Variants in CSMD3 observed in about 807,000 individuals in gnomAD.
The protein encoded by CSMD3 is CUB and Sushi multiple domains 3.
In CSMD3, 177 loss-of-function variants were observed where a neutral mutation model predicts 435.2. The ratio of observed to expected loss-of-function variants is 0.41; its 90% CI spans 0.36 to 0.46. The LOEUF (loss-of-function observed/expected upper bound fraction) is 0.46. Among genes scored for constraint, CSMD3 ranks in the 20% least tolerant of loss-of-function variants. The pLI is 0.34. For synonymous variants in CSMD3, 1,656 were observed against 1,520.5 expected (o/e 1.09, Z -2.07); for missense variants, 4,265 against 4,504.6 (o/e 0.95, Z 1.52).
At chr8:113,192,099 CTTG>C (rs1174079546) in intron 3 of CSMD3, among the ~76,000 whole-genome samples, 6 of 151,146 alleles carry the variant, frequency 4.0e-5, no homozygotes, top group African/African-American at 1.5e-4. Context: ...TGTTTTTTTG[CTTG>C]TTGATGTGTT....
intron 3 of CSMD3, among the ~76,000 whole-genome samples, chr8:113,210,045 T>TAC (rs1554576491): frequency 1.9e-5 from 2 of 103,364 alleles, no homozygotes; most frequent in Non-Finnish European, 4.9e-5. Flanking sequence ...TGTGTGTGTG[T>TAC]GATACACAGT....
intron 23 of CSMD3, among the ~76,000 whole-genome samples, chr8:112,575,724 C>A (rs1163321960): frequency 2.6e-5 from 4 of 152,072 alleles, no homozygotes; most frequent in Non-Finnish European, 5.9e-5. Context: ...TTCAACTTTT[C>A]ATTTCTTAAG....
At chr8:112,295,781 G>C (rs2130712620) in intron 54 of CSMD3, 52 bp downstream of exon 54, 1 of 1,512,002 alleles carries the variant, frequency 6.6e-7, no homozygotes. Flanking sequence ...ACAAAAACTA[G>C]AATTATTCCA....
chr8:112,871,867 C>T (rs2081145369), intron 10 of CSMD3, among the ~76,000 whole-genome samples: 1 of 151,962 alleles, frequency 6.6e-6, no homozygotes, highest in Non-Finnish European at 1.5e-5. Context: ...CTGTAGTTTC[C>T]TCCATAACAA....
intron 32 of CSMD3, among the ~76,000 whole-genome samples, chr8:112,443,080 T>C (rs750292083): frequency 7.2e-5 from 11 of 152,208 alleles, no homozygotes; most frequent in Non-Finnish European, 1.6e-4. Flanking sequence ...TGTTATTTCT[T>C]GAGTGCCTCC....
intron 7 of CSMD3, among the ~76,000 whole-genome samples, chr8:112,965,114 A>C (rs932602012): frequency 6.6e-6 from 1 of 152,014 alleles, no homozygotes; most frequent in African/African-American, 2.4e-5. Context: ...TTCATATTCC[A>C]AAAGGCAGAG....
chr8:112,984,266 A>G (rs546090804), intron 6 of CSMD3, among the ~76,000 whole-genome samples: 34 of 152,060 alleles, frequency 2.2e-4, no homozygotes, highest in African/African-American at 8.2e-4. Flanking sequence ...CTTTACACAA[A>G]TACCTTTCAT....
intron 13 of CSMD3, among the ~76,000 whole-genome samples, chr8:112,745,112 T>C (rs1033319740): frequency 6.6e-6 from 1 of 152,104 alleles, no homozygotes; most frequent in African/African-American, 2.4e-5. Context: ...AACTGGTGAA[T>C]TGTAAATTGG....
chr8:113,108,187 C>T (rs780653600), intron 4 of CSMD3, among the ~76,000 whole-genome samples: 24 of 151,974 alleles, frequency 1.6e-4, no homozygotes, highest in Non-Finnish European at 2.9e-4. Flanking sequence ...CCCAGCACTT[C>T]GGGAGGCCAA....
intron 6 of CSMD3, among the ~76,000 whole-genome samples, chr8:113,011,967 A>G (rs1405698241): frequency 2.6e-5 from 4 of 151,822 alleles, no homozygotes; most frequent in Admixed American, 2.0e-4. Flanking sequence ...TTTTTGCTTC[A>G]CAACAAAAAT....
At chr8:113,328,606 A>G (rs1192696484) in intron 1 of CSMD3, among the ~76,000 whole-genome samples, 1 of 152,092 alleles carries the variant, frequency 6.6e-6, no homozygotes, top group African/African-American at 2.4e-5. Context: ...ACAAATATCA[A>G]AACAATGAAA....
chr8:112,553,167 A>T (rs1029709110), intron 25 of CSMD3, among the ~76,000 whole-genome samples: 1 of 151,942 alleles, frequency 6.6e-6, no homozygotes, highest in African/African-American at 2.4e-5. Context: ...TTGTCCTTTT[A>T]TTTCCCCTTT....
At chr8:112,509,325 G>C (rs979665711) in intron 28 of CSMD3, among the ~76,000 whole-genome samples, 1 of 152,106 alleles carries the variant, frequency 6.6e-6, no homozygotes, top group Non-Finnish European at 1.5e-5. Flanking sequence ...CTGAGCTCAA[G>C]TGATGGGCCC....
chr8:112,513,445 C>T (rs1823338259), intron 28 of CSMD3, among the ~76,000 whole-genome samples: 1 of 152,138 alleles, frequency 6.6e-6, no homozygotes, highest in Non-Finnish European at 1.5e-5. Context: ...ACTCAAAACA[C>T]ATATTTATTG....
At chr8:113,267,002 T>A (rs192317864) in intron 3 of CSMD3, among the ~76,000 whole-genome samples, 63 of 151,436 alleles carry the variant, frequency 4.2e-4, no homozygotes, top group African/African-American at 1.4e-3. Context: ...ATGAAAAAAA[T>A]TTCAACATCA....
At chr8:112,881,170 C>A (rs1006534596) in intron 10 of CSMD3, among the ~76,000 whole-genome samples, 1 of 151,850 alleles carries the variant, frequency 6.6e-6, no homozygotes, top group Non-Finnish European at 1.5e-5. Flanking sequence ...GGGAGAGAGA[C>A]AAACAGGAAA....
intron 10 of CSMD3, among the ~76,000 whole-genome samples, chr8:112,889,964 G>A (rs938382597): frequency 3.3e-5 from 5 of 151,660 alleles, no homozygotes; most frequent in Admixed American, 2.6e-4. Context: ...CATCACTGCT[G>A]AGGAAACAGA....
At chr8:112,767,650 T>C (rs978389782) in intron 13 of CSMD3, among the ~76,000 whole-genome samples, 32 of 151,950 alleles carry the variant, frequency 2.1e-4, no homozygotes, top group African/African-American at 7.2e-4. Context: ...ATTGTAAGTA[T>C]AGCTATTATT....
At chr8:112,961,991 G>T (rs935582247) in intron 7 of CSMD3, among the ~76,000 whole-genome samples, 2 of 151,810 alleles carry the variant, frequency 1.3e-5, no homozygotes, top group Non-Finnish European at 2.9e-5. Context: ...ATATGGGAAG[G>T]GTTACCATTG....
Sources: gnomAD v4.1 joint callset for allele counts (sites outside exome capture counted in the v4.1 genomes callset) on GRCh38, gnomAD v4.1.1 for gene constraint, MANE v1.5 for transcripts, NCBI Gene and HGNC (gene_info 2026-07-23, HGNC 2026-07-21) for gene names.